The following RBFOX1 variants were observed in gnomAD, a reference collection of about 807,000 sequenced individuals.
RBFOX1 encodes the protein RNA binding fox-1 homolog 1, also known as RNA binding protein fox-1 homolog 1.
RBFOX1 carries 8 observed loss-of-function variants against 57.7 expected under a neutral mutation model. The observed-to-expected ratio is 0.14, with a 90% CI of 0.08 to 0.25. The LOEUF (loss-of-function observed/expected upper bound fraction) is 0.25, where lower values mean the gene tolerates loss of function less well. RBFOX1 is among the 10% of genes least tolerant of loss of function. The probability of loss-of-function intolerance (pLI) is 1.00; values close to 1 mark genes in which losing one functional copy is unlikely to be tolerated. For missense variants in RBFOX1, 611 were observed against 548.5 expected (o/e 1.11, Z -1.14); for synonymous variants, 326 against 222.4 (o/e 1.47, Z -4.15).
rs544525485 is a variant in RBFOX1, at chr16:7,328,280, G to A, written c.28-189867G>A. 2.1e-3 allele frequency among the ~76,000 whole-genome samples: 319 copies of A among 152,104 alleles called. 5 individuals are homozygous for A. Among genetic ancestry groups the A allele is most frequent in the Non-Finnish European group, 2.8e-4 (19 of 67,962 alleles). On this transcript the variant is annotated intron_variant, in intron 4 of 15. Transcript: ENST00000550418. ...GTAGATCATGAGGTCAGGAGTTCAA[G>A]ACAATCCTGGCCAACGTGGTGAAAC...
chr16:6,363,136 AG>A (rs1451285254), intron 2 of RBFOX1, among the ~76,000 whole-genome samples: 14 of 152,214 alleles, frequency 9.2e-5, no homozygotes, highest in Non-Finnish European at 2.1e-4. Flanking sequence ...TGCCTCATTA[AG>A]TAACTCAATT....
intron 5 of RBFOX1, among the ~76,000 whole-genome samples, chr16:7,544,091 A>G (rs1409054768): frequency 6.6e-6 from 1 of 152,232 alleles, no homozygotes; most frequent in Non-Finnish European, 1.5e-5. Context: ...GAGAATCCTC[A>G]TTCTATGGAG....
At chr16:7,129,596 G>C (rs1008540601) in intron 4 of RBFOX1, among the ~76,000 whole-genome samples, 2 of 152,046 alleles carry the variant, frequency 1.3e-5, no homozygotes, top group African/African-American at 4.8e-5. Flanking sequence ...ATTACAGTTG[G>C]CTTTAAGTGT....
chr16:6,101,488 T>C (rs959634630), intron 1 of RBFOX1, among the ~76,000 whole-genome samples: 3 of 152,066 alleles, frequency 2.0e-5, no homozygotes, highest in Admixed American at 2.0e-4. Context: ...TATTATTTTA[T>C]TATTTTTATT....
At chr16:7,221,304 A>T (rs1370147087) in intron 4 of RBFOX1, among the ~76,000 whole-genome samples, 1 of 152,030 alleles carries the variant, frequency 6.6e-6, no homozygotes. Context: ...ATAAAACACA[A>T]ATATTAACTT....
intron 2 of RBFOX1, among the ~76,000 whole-genome samples, chr16:5,553,148 G>C (rs1025720815): frequency 6.6e-6 from 1 of 152,056 alleles, no homozygotes; most frequent in Non-Finnish European, 1.5e-5. Context: ...GACGGGCTGG[G>C]GGAGAGATAG....
chr16:5,721,999 A>G (rs2051955079), intron 3 of RBFOX1, among the ~76,000 whole-genome samples: 1 of 152,160 alleles, frequency 6.6e-6, no homozygotes, highest in African/African-American at 2.4e-5. Flanking sequence ...ATAGCACAAT[A>G]TTTTTGTTGC....
intron 1 of RBFOX1, among the ~76,000 whole-genome samples, chr16:6,250,300 C>T (rs2097598503): frequency 6.6e-6 from 1 of 152,096 alleles, no homozygotes; most frequent in Non-Finnish European, 1.5e-5. Flanking sequence ...AATATGCAGT[C>T]CACTGCTCAT....
chr16:6,415,269 G>A (rs1249444513), intron 2 of RBFOX1, among the ~76,000 whole-genome samples: 2 of 143,986 alleles, frequency 1.4e-5, no homozygotes, highest in Non-Finnish European at 3.0e-5. Context: ...AAAAAAAATA[G>A]CGTTCAGGTT....
intron 1 of RBFOX1, among the ~76,000 whole-genome samples, chr16:5,464,980 G>A (rs766364270): frequency 6.6e-6 from 1 of 152,178 alleles, no homozygotes; most frequent in Non-Finnish European, 1.5e-5. Context: ...TGACACAGGG[G>A]TCTGGAGACT....
At chr16:5,979,438 G>A (rs966288014) in intron 4 of RBFOX1, among the ~76,000 whole-genome samples, 7 of 152,196 alleles carry the variant, frequency 4.6e-5, no homozygotes, top group Admixed American at 4.6e-4. Flanking sequence ...AATGTGATTA[G>A]TGACTGTTGA....
At chr16:5,338,799 G>T (rs906086637) in intron 1 of RBFOX1, among the ~76,000 whole-genome samples, 2 of 152,092 alleles carry the variant, frequency 1.3e-5, no homozygotes, top group Non-Finnish European at 2.9e-5. Context: ...GGGGACTGAA[G>T]GTGGTTGCTA....
chr16:7,409,874 G>C (rs927161132), intron 4 of RBFOX1, among the ~76,000 whole-genome samples: 1 of 152,178 alleles, frequency 6.6e-6, no homozygotes, highest in South Asian at 2.1e-4. Context: ...AAATTGAAGT[G>C]TGGAAAAATG....
At chr16:6,012,437 A>C (rs193290238) in intron 4 of RBFOX1, among the ~76,000 whole-genome samples, 40 of 152,330 alleles carry the variant, frequency 2.6e-4, no homozygotes, top group African/African-American at 8.9e-4. Context: ...CTTGGGGAGC[A>C]CTTGGAAATA....
rs13338884 is a variant in RBFOX1 at position 6,945,240 on chromosome 16, C to T, written c.-15-106817C>T. On this transcript the variant is annotated intron_variant, in intron 3 of 15. Coordinates refer to ENST00000550418, the MANE Select transcript of RBFOX1 (RefSeq NM_018723.4). The stretch of plus-strand genomic sequence containing the variant: ...TTCCAGCTCAGCCACTTAATCTTCA[C>T]GTGTCCTTGGGCAAGTCATGTGACC... Among the ~76,000 whole-genome samples the T allele has an allele frequency of 8.2e-3, 1,254 of 152,188 alleles. 10 individuals carry two copies. Among genetic ancestry groups the T allele is most frequent in the African/African-American group, 0.028 (1,165 of 41,516 alleles).
chr16:6,997,327 G>A (rs893646167), intron 3 of RBFOX1, among the ~76,000 whole-genome samples: 2 of 152,228 alleles, frequency 1.3e-5, no homozygotes, highest in African/African-American at 4.8e-5. Context: ...ATACTTATCA[G>A]TATGAAGTGG....
At chr16:6,641,514 C>A (rs529343185) in intron 2 of RBFOX1, among the ~76,000 whole-genome samples, 1 of 151,950 alleles carries the variant, frequency 6.6e-6, no homozygotes, top group Admixed American at 6.6e-5. Context: ...GCGGGCAGAT[C>A]GCTTGAGCCC....
chr16:5,767,701 T>C (rs905232807), intron 3 of RBFOX1, among the ~76,000 whole-genome samples: 1 of 152,174 alleles, frequency 6.6e-6, no homozygotes, highest in Non-Finnish European at 1.5e-5. Flanking sequence ...TGAAAAGGCA[T>C]AAATGAAGCT....
chr16:6,710,374 A>C (rs968437624), intron 3 of RBFOX1, among the ~76,000 whole-genome samples: 5 of 152,210 alleles, frequency 3.3e-5, no homozygotes, highest in African/African-American at 1.2e-4. Context: ...ATTTAACCCA[A>C]ATATCCAAAG....
Sources: gnomAD v4.1 joint callset for allele counts (sites outside exome capture counted in the v4.1 genomes callset) on GRCh38, gnomAD v4.1.1 for gene constraint, MANE v1.5 for transcripts, NCBI Gene and HGNC (gene_info 2026-07-23, HGNC 2026-07-21) for gene names.